NKIRAS1: variants seen among roughly 807,000 people sequenced by gnomAD.
The protein encoded by NKIRAS1 is NFKB inhibitor interacting Ras like 1.
NKIRAS1 carries 16 observed loss-of-function variants against 19.8 expected under a neutral mutation model. The ratio of observed to expected loss-of-function variants is 0.81; its 90% CI spans 0.55 to 1.23. NKIRAS1 has a LOEUF of 1.23. Ranked by LOEUF, NKIRAS1 falls within the 50% of genes most tolerant of loss-of-function variation. The pLI is 0.00. For synonymous variants in NKIRAS1, 88 were observed against 79.0 expected (o/e 1.11, Z -0.61); for missense variants, 184 against 220.0 (o/e 0.84, Z 1.04).
chr3:23,893,477 G>A (rs1701637587), intron 4 of NKIRAS1, 140 bp from the exon 5 acceptor site: 5 of 751,842 alleles, frequency 6.7e-6, no homozygotes, highest in Non-Finnish European at 1.1e-5. Flanking sequence ...TGGATATTAG[G>A]ATTTCACCTT....
chr3:23,898,091 T>G (rs968998254), intron 4 of NKIRAS1, among the ~76,000 whole-genome samples: 1 of 152,040 alleles, frequency 6.6e-6, no homozygotes, highest in Non-Finnish European at 1.5e-5. Context: ...TCAACTTTTG[T>G]GGGGCAGAGA....
At chr3:23,928,947 A>C (rs1705258442) in intron 1 of NKIRAS1, among the ~76,000 whole-genome samples, 1 of 151,644 alleles carries the variant, frequency 6.6e-6, no homozygotes, top group African/African-American at 2.4e-5. Flanking sequence ...CAGTGAACCG[A>C]GATCGTGCCA....
intron 1 of NKIRAS1, chr3:23,945,153 A>AGGGTAGCCGGGTAGCCGGGTAGCC: frequency 8.9e-6 from 1 of 112,444 alleles, no homozygotes; most frequent in South Asian, 2.9e-4. Flanking sequence ...GCAGGAGAAA[A>AGGGTAGCCGGGTAGCCGGGTAGCC]GGGTAGCCGG....
chr3:23,922,310 A>G lies in NKIRAS1; in HGVS notation c.-139-10860T>C, dbSNP rs1174164072. 2 of 152,172 alleles carry G rather than the reference A, an allele frequency of 1.3e-5. No homozygotes were observed. Among genetic ancestry groups the G allele is most frequent in the Admixed American group, 6.5e-5 (1 of 15,282 alleles). The allele number at this position is 152,172 out of a possible 1,614,324, so 9.4% of individuals were successfully genotyped here. ...TTACTAGTATTAATCCTTTTTTGCC[A>G]ATGAGGAAACACAAAGATGAAGCAA... On this transcript the variant is annotated intron_variant, in intron 1 of 4. Transcript: ENST00000421515. This position sits in a 1 kb window ranked among gnomAD's most constrained non-coding sequence, Gnocchi z 4.2.
At chr3:23,944,641 A>G (rs528592757) in intron 1 of NKIRAS1, among the ~76,000 whole-genome samples, 1 of 152,246 alleles carries the variant, frequency 6.6e-6, no homozygotes, top group African/African-American at 2.4e-5. Flanking sequence ...AAAGCGGCAT[A>G]ATCAAACGGG....
At chr3:23,934,143 A>T (rs573337179) in intron 1 of NKIRAS1, among the ~76,000 whole-genome samples, 1 of 152,332 alleles carries the variant, frequency 6.6e-6, no homozygotes, top group South Asian at 2.1e-4. Flanking sequence ...ACTGAACTTT[A>T]TATTAGTTCA....
intron 3 of NKIRAS1, among the ~76,000 whole-genome samples, chr3:23,906,197 G>A (rs1330261620): frequency 6.6e-6 from 1 of 151,150 alleles, no homozygotes; most frequent in Admixed American, 6.6e-5. Flanking sequence ...AGAAACAAAG[G>A]GGAAGTTCCA....
chr3:23,901,424 A>G (rs1241079389), intron 3 of NKIRAS1, among the ~76,000 whole-genome samples: 1 of 152,114 alleles, frequency 6.6e-6, no homozygotes, highest in African/African-American at 2.4e-5. Context: ...GGCTCAAGCA[A>G]TCTACCCACT....
chr3:23,940,725 GACAA>G (rs1705478610), intron 1 of NKIRAS1, among the ~76,000 whole-genome samples: 2 of 63,794 alleles, frequency 3.1e-5, no homozygotes, highest in South Asian at 1.1e-3. Flanking sequence ...ATTAAGTACA[GACAA>G]AGTTTTAAAT....
intron 1 of NKIRAS1, among the ~76,000 whole-genome samples, chr3:23,929,093 G>A (rs1237715149): frequency 6.6e-6 from 1 of 152,036 alleles, no homozygotes; most frequent in Non-Finnish European, 1.5e-5. Context: ...CAGGCGTGGT[G>A]GCTCATGCCT....
chr3:23,915,772 C>T (rs1300422184), intron 1 of NKIRAS1, among the ~76,000 whole-genome samples: 2 of 152,150 alleles, frequency 1.3e-5, no homozygotes, highest in Admixed American at 1.3e-4. Flanking sequence ...CTGAATCAGA[C>T]CCCTACTCTT....
At position 23,900,994 on chromosome 3, in the gene NKIRAS1, G is replaced by A; in HGVS notation, c.150C>T (p.Asp50=). 6.2e-7 allele frequency: 1 copy of A among 1,613,968 alleles called. No individual in the cohort carries two copies. The highest frequency in any genetic ancestry group is 8.5e-7 in the Non-Finnish European group (1 of 1,179,942). The part of the protein sequence containing the change: ...EDVYMASVET[D]RGVKEQLHLY... ...GATGTAACTGTTCTTTTACTCCTCG[G>A]TCTGTTTCTACTGAAGCCATGTATA... is the stretch of plus-strand genomic sequence containing the variant. Residue 50 remains aspartate (D), a synonymous_variant, in exon 4 of 5, where the codon GAC becomes GAT. Coordinates refer to ENST00000425478, the MANE Select transcript of NKIRAS1 (RefSeq NM_020345.4).
At chr3:23,946,036 C>CGG (rs1705684453) in intron 1 of NKIRAS1, 1 of 909,262 alleles carries the variant, frequency 1.1e-6, no homozygotes, top group African/African-American at 1.8e-5. Context: ...CGGGGGCGCG[C>CGG]GCGCGCGCGC....
intron 1 of NKIRAS1, among the ~76,000 whole-genome samples, chr3:23,941,690 T>C (rs1705500495): frequency 6.6e-6 from 1 of 152,150 alleles, no homozygotes; most frequent in Non-Finnish European, 1.5e-5. Context: ...CCTCTGGCAC[T>C]GAGGAGCCCA....
chr3:23,891,244 CT>C lies in NKIRAS1; in HGVS notation c.*1850del, dbSNP rs1329644116. The C allele has an allele frequency of 6.6e-6, 1 of 152,214 alleles. No individual in the cohort carries two copies. The highest frequency in any genetic ancestry group is 1.5e-5 in the Non-Finnish European group (1 of 68,052). The allele number at this position is 152,214 out of a possible 1,614,324, so 9.4% of individuals were successfully genotyped here. ...ATAGGAGTTGCTCAGTGGATTGGTT[CT>C]ATGTTGTGGACTACTTAAGTCTGCA... On this transcript the variant is annotated 3_prime_UTR_variant, in exon 5 of 5. Coordinates refer to ENST00000425478, the MANE Select transcript of NKIRAS1 (RefSeq NM_020345.4).
intron 4 of NKIRAS1, among the ~76,000 whole-genome samples, chr3:23,895,693 C>T (rs987685813): frequency 6.6e-6 from 1 of 152,158 alleles, no homozygotes; most frequent in Admixed American, 6.5e-5. Context: ...AACTGATGTT[C>T]TCCGGCAAAT....
chr3:23,902,045 G>A (rs1702571542), intron 3 of NKIRAS1, among the ~76,000 whole-genome samples: 1 of 152,152 alleles, frequency 6.6e-6, no homozygotes, highest in African/African-American at 2.4e-5. Flanking sequence ...CTGCACTCCA[G>A]CTTGGATGAC....
intron 4 of NKIRAS1, among the ~76,000 whole-genome samples, chr3:23,896,486 G>A (rs1275566963): frequency 1.3e-5 from 2 of 151,952 alleles, no homozygotes; most frequent in African/African-American, 2.4e-5. Context: ...GGTGGTGAAC[G>A]CCTGTAATCC....
chr3:23,917,639 G>A (rs1704710456), upstream of NKIRAS1: 2 of 517,254 alleles, frequency 3.9e-6, no homozygotes, highest in South Asian at 5.1e-5. Context: ...AACGTGCCGA[G>A]CACCGCTCTG....
Sources: allele counts gnomAD v4.1 joint callset (sites outside exome capture counted in the v4.1 genomes callset), GRCh38; gene constraint gnomAD v4.1.1; non-coding constraint Gnocchi (gnomAD v3.1); transcripts MANE v1.5; gene names NCBI Gene and HGNC (gene_info 2026-07-23, HGNC 2026-07-21).